Variants in ACER3 observed in about 807,000 individuals in gnomAD.
ACER3 encodes the protein alkCDase 3.
A neutral mutation model predicts 48.9 loss-of-function variants in ACER3; 16 were observed. The observed-to-expected ratio is 0.33, with a 90% CI of 0.22 to 0.50. ACER3 has a LOEUF of 0.50. ACER3 is among the 20% of genes least tolerant of loss of function. The probability of loss-of-function intolerance (pLI) is 0.98; values close to 1 mark genes in which losing one functional copy is unlikely to be tolerated. For missense variants in ACER3, 227 were observed against 326.0 expected (o/e 0.70, Z 2.34); for synonymous variants, 109 against 107.8 (o/e 1.01, Z -0.07).
At chr11:77,008,055 TC>T (rs1949190264) in intron 7 of ACER3, among the ~76,000 whole-genome samples, 1 of 152,326 alleles carries the variant, frequency 6.6e-6, no homozygotes, top group South Asian at 2.1e-4. Context: ...TTATGATTTA[TC>T]AATTTAAAAT....
chr11:76,953,356 T>C (rs1216170618), intron 2 of ACER3, among the ~76,000 whole-genome samples: 2 of 152,132 alleles, frequency 1.3e-5, no homozygotes, highest in African/African-American at 2.4e-5. Context: ...CCCAGCGCTT[T>C]GGGAGGCCGA....
At chr11:76,937,586 A>G (rs552776619) in intron 2 of ACER3, among the ~76,000 whole-genome samples, 57 of 152,334 alleles carry the variant, frequency 3.7e-4, no homozygotes, top group African/African-American at 1.3e-3. Context: ...GAGAATGTAA[A>G]ATAATATTTA....
intron 6 of ACER3, chr11:76,994,318 C>T (rs1210266731): frequency 1.5e-4 from 57 of 373,424 alleles, no homozygotes; most frequent in East Asian, 4.5e-4. Context: ...TTAGTAGAAA[C>T]GGGGTATCGC....
intron 1 of ACER3, among the ~76,000 whole-genome samples, chr11:76,883,991 T>A (rs1234263798): frequency 6.6e-6 from 1 of 152,206 alleles, no homozygotes; most frequent in African/African-American, 2.4e-5. Context: ...TGTTCTAGGA[T>A]CTCTACTGGA....
At chr11:76,964,040 G>T (rs571962099) in intron 3 of ACER3, among the ~76,000 whole-genome samples, 2 of 151,438 alleles carry the variant, frequency 1.3e-5, no homozygotes, top group African/African-American at 4.9e-5. Flanking sequence ...GAAGTGCAAG[G>T]GGTCAGGGAA....
rs1374185302 is a variant in ACER3 at position 76,887,846 on chromosome 11, C to A, written c.103+26767C>A. Among the ~76,000 whole-genome samples, 7 of 124,730 alleles carry A rather than the reference C, an allele frequency of 5.6e-5. No individual in the cohort carries two copies. The South Asian group carries it at 1.2e-3, about 22-fold the overall frequency. 81.8% of individuals were successfully genotyped at this position (124,730 alleles called of 152,430 possible). A position where few individuals can be genotyped will look rare whatever the true frequency, so the allele number is the denominator to read the frequency against. Reference sequence around the variant, plus strand: ...TTTTTTTTTTTTTTTGGAGATAGGGCCTCACTCTGTTGTCCAGGCTGGAGT... The same window carrying A: ...TTTTTTTTTTTTTTTGGAGATAGGGACTCACTCTGTTGTCCAGGCTGGAGT... On this transcript the variant is annotated intron_variant, in intron 1 of 10. Coordinates refer to ENST00000532485, the MANE Select transcript of ACER3 (RefSeq NM_018367.7).
At chr11:76,952,373 C>CCT (rs1947697740) in intron 2 of ACER3, among the ~76,000 whole-genome samples, 1 of 151,032 alleles carries the variant, frequency 6.6e-6, no homozygotes. Context: ...GATTCTCCTG[C>CCT]CTCAGCCTCC....
At chr11:76,934,509 A>G (rs1384249678) in intron 2 of ACER3, among the ~76,000 whole-genome samples, 1 of 152,242 alleles carries the variant, frequency 6.6e-6, no homozygotes, top group African/African-American at 2.4e-5. Flanking sequence ...AACGCAGCGA[A>G]ACCCCGTCTC....
intron 6 of ACER3, among the ~76,000 whole-genome samples, chr11:76,992,114 A>C (rs533537849): frequency 4.6e-5 from 7 of 151,972 alleles, no homozygotes; most frequent in African/African-American, 1.7e-4. Flanking sequence ...TGGGAAGCTG[A>C]GGCAGGAGGA....
chr11:76,951,121 G>A (rs1947656419), intron 2 of ACER3, among the ~76,000 whole-genome samples: 1 of 152,088 alleles, frequency 6.6e-6, no homozygotes, highest in Non-Finnish European at 1.5e-5. Context: ...AAAATCAGAG[G>A]TTCTAAAGTA....
rs1235157674 is a variant in ACER3 at position 76,868,389 on chromosome 11, C to CTGTGTGTG, written c.103+7311_103+7312insGTGTGTGT. The CTGTGTGTG allele has an allele frequency of 9.6e-4, 179 of 187,108 alleles. 1 individual carries two copies. Among genetic ancestry groups the CTGTGTGTG allele is most frequent in the East Asian group, 3.9e-3 (32 of 8,270 alleles). The allele number at this position is 187,108 out of a possible 1,614,324, so 11.6% of individuals were successfully genotyped here. A position where few individuals can be genotyped will look rare whatever the true frequency, so the allele number is the denominator to read the frequency against. On this transcript the variant is annotated intron_variant, in intron 1 of 10. Transcript: ENST00000532485. The stretch of plus-strand genomic sequence containing the variant: ...TTAGTTTTAATATCTCTCTCTCTCT[C>CTGTGTGTG]TCTGTGTGTGTGTGTGTGTGTGTGT...
At chr11:76,907,058 A>G (rs1038108530) in intron 1 of ACER3, among the ~76,000 whole-genome samples, 1 of 152,144 alleles carries the variant, frequency 6.6e-6, no homozygotes, top group Non-Finnish European at 1.5e-5. Context: ...TACTTAATTC[A>G]CTTCTCTCAC....
intron 2 of ACER3, among the ~76,000 whole-genome samples, chr11:76,949,878 T>C (rs1332492567): frequency 6.6e-6 from 1 of 152,212 alleles, no homozygotes; most frequent in Non-Finnish European, 1.5e-5. Context: ...ATCTGGACTC[T>C]GTCTGCCTTG....
At chr11:76,980,389 G>A (rs1948558091) in intron 4 of ACER3, among the ~76,000 whole-genome samples, 1 of 151,982 alleles carries the variant, frequency 6.6e-6, no homozygotes, top group Non-Finnish European at 1.5e-5. Flanking sequence ...AAGTATTAGT[G>A]CTAGGAGCTG....
rs1555025420 is a variant in ACER3 at position 77,025,172 on chromosome 11, C to A, written c.*4845C>A. 1 of 152,108 alleles carries A rather than the reference C, an allele frequency of 6.6e-6. No individual in the cohort carries two copies. The highest frequency in any genetic ancestry group is 1.5e-5 in the Non-Finnish European group (1 of 68,030). The allele number at this position is 152,108 out of a possible 1,614,324, so 9.4% of individuals were successfully genotyped here. A position where few individuals can be genotyped will look rare whatever the true frequency, so the allele number is the denominator to read the frequency against. On this transcript the variant is annotated 3_prime_UTR_variant, in exon 11 of 11. Coordinates refer to ENST00000532485, the MANE Select transcript of ACER3 (RefSeq NM_018367.7). ...ATTTGCAGAATTAACTCTAAAGTTG[C>A]AGCAACCATATTTATTAGAGAAATC... is the stretch of plus-strand genomic sequence containing the variant.
chr11:76,889,092 T>C (rs1484109989), intron 1 of ACER3, among the ~76,000 whole-genome samples: 1 of 152,188 alleles, frequency 6.6e-6, no homozygotes, highest in Non-Finnish European at 1.5e-5. Context: ...GCATCTCAGC[T>C]CTATATAGAT....
intron 1 of ACER3, among the ~76,000 whole-genome samples, chr11:76,872,911 C>CTTTTTTTTT (rs59654087): frequency 2.9e-5 from 2 of 68,706 alleles, no homozygotes; most frequent in African/African-American, 7.6e-5. Flanking sequence ...TTTTCTTTTT[C>CTTTTTTTTT]TTTTTTTTTT....
At chr11:76,912,553 TA>T (rs1318003439) in intron 1 of ACER3, among the ~76,000 whole-genome samples, 2 of 128,312 alleles carry the variant, frequency 1.6e-5, no homozygotes, top group East Asian at 4.6e-4. Context: ...TGTGATAATT[TA>T]AAAAAATTGT....
At chr11:76,917,047 C>A (rs944189679) in intron 1 of ACER3, among the ~76,000 whole-genome samples, 4 of 152,160 alleles carry the variant, frequency 2.6e-5, no homozygotes, top group Non-Finnish European at 5.9e-5. Flanking sequence ...CTTGGCCTTT[C>A]TTCCCAAACC....
Sources: gnomAD v4.1 joint callset for allele counts (sites outside exome capture counted in the v4.1 genomes callset) on GRCh38, gnomAD v4.1.1 for gene constraint, MANE v1.5 for transcripts, NCBI Gene and HGNC (gene_info 2026-07-23, HGNC 2026-07-21) for gene names.